Variants in PDE1A observed in about 807,000 individuals in gnomAD.
The protein encoded by PDE1A is dual specificity calcium/calmodulin-dependent 3',5'-cyclic nucleotide phosphodiesterase 1A.
A neutral mutation model predicts 61.7 loss-of-function variants in PDE1A; 35 were observed. That is an observed-to-expected ratio of 0.57 (90% CI 0.43 to 0.75). PDE1A has a LOEUF of 0.75. Ranked by LOEUF, PDE1A falls within the 30% of genes least tolerant of loss-of-function variation. The probability of loss-of-function intolerance (pLI) is 0.00; values close to 1 mark genes in which losing one functional copy is unlikely to be tolerated. For missense variants in PDE1A, 597 were observed against 630.6 expected, an observed-to-expected ratio of 0.95 and a Z score of 0.57; for synonymous variants, 232 against 213.2, an observed-to-expected ratio of 1.09 and a Z score of -0.77.
chr2:182,350,034 G>C (rs1416783112), intron 1 of PDE1A, among the ~76,000 whole-genome samples: 1 of 152,110 alleles, frequency 6.6e-6, no homozygotes, highest in East Asian at 1.9e-4. Context: ...GACACTGAAA[G>C]TTCCATTTAT....
At chr2:182,394,830 A>T (rs1385000010) in intron 1 of PDE1A, among the ~76,000 whole-genome samples, 1 of 152,214 alleles carries the variant, frequency 6.6e-6, no homozygotes, top group Admixed American at 6.5e-5. Flanking sequence ...GAAAAGCCAA[A>T]TGGAAGCCTT....
intron 2 of PDE1A, among the ~76,000 whole-genome samples, chr2:182,251,217 G>A (rs975531012): frequency 3.3e-5 from 5 of 152,192 alleles, no homozygotes; most frequent in Non-Finnish European, 7.3e-5. Flanking sequence ...CCTATTGGCT[G>A]TGTAGTTTTG....
chr2:182,380,122 T>C (rs1700641928), intron 1 of PDE1A, among the ~76,000 whole-genome samples: 1 of 146,952 alleles, frequency 6.8e-6, no homozygotes, highest in Non-Finnish European at 1.5e-5. Flanking sequence ...TTTTTTTTTT[T>C]TTTTTTGAGA....
At chr2:182,385,105 C>A (rs1700952519) in intron 1 of PDE1A, among the ~76,000 whole-genome samples, 2 of 152,068 alleles carry the variant, frequency 1.3e-5, no homozygotes, top group South Asian at 4.1e-4. Flanking sequence ...ACAACTTTCC[C>A]AGAAAAACAA....
At chr2:182,711,766 C>T in the PDE1A span, among the ~76,000 whole-genome samples, 4 of 152,126 alleles carry the variant, frequency 2.6e-5, no homozygotes, top group Non-Finnish European at 5.9e-5. Context: ...GAAAGAATTC[C>T]CACTGGTCCA....
the PDE1A span, among the ~76,000 whole-genome samples, chr2:182,625,037 T>C: frequency 1.3e-5 from 2 of 152,084 alleles, no homozygotes; most frequent in Admixed American, 6.6e-5. Flanking sequence ...TAGATTTAGA[T>C]GAGATCGTGA....
chr2:182,467,855 C>T (rs1686773077), intron 2 of PDE1A, among the ~76,000 whole-genome samples: 1 of 151,828 alleles, frequency 6.6e-6, no homozygotes, highest in African/African-American at 2.4e-5. Flanking sequence ...CACAATAAAG[C>T]TAACATAATA....
chr2:182,701,695 C>T, the PDE1A span, among the ~76,000 whole-genome samples: 1 of 152,136 alleles, frequency 6.6e-6, no homozygotes, highest in African/African-American at 2.4e-5. Context: ...ACTTTTAAAC[C>T]TGTGTCCAAA....
intron 1 of PDE1A, among the ~76,000 whole-genome samples, chr2:182,276,063 C>G (rs896959384): frequency 2.7e-4 from 41 of 152,052 alleles, no homozygotes; most frequent in African/African-American, 6.7e-4. Context: ...AATTAATGAC[C>G]AGAAAAATCA....
intron 1 of PDE1A, among the ~76,000 whole-genome samples, chr2:182,402,629 T>C (rs571555821): frequency 4.6e-5 from 7 of 152,320 alleles, no homozygotes; most frequent in African/African-American, 1.7e-4. Context: ...AAAGCCTTCA[T>C]GACTAAAACA....
intron 1 of PDE1A, among the ~76,000 whole-genome samples, chr2:182,409,870 T>A (rs890085465): frequency 2.0e-5 from 3 of 152,216 alleles, no homozygotes; most frequent in Non-Finnish European, 4.4e-5. Context: ...GACATTTATA[T>A]CACATAGTTT....
chr2:182,563,419 G>A, the PDE1A span, among the ~76,000 whole-genome samples: 1 of 152,182 alleles, frequency 6.6e-6, no homozygotes, highest in Non-Finnish European at 1.5e-5. Flanking sequence ...TGGTCTGAGA[G>A]ATAGTTTGTT....
chr2:182,658,347 T>A, the PDE1A span, among the ~76,000 whole-genome samples: 2 of 152,216 alleles, frequency 1.3e-5, 1 homozygote, highest in South Asian at 4.1e-4. Context: ...GTCCCAGCCA[T>A]CATATGGTAT....
At chr2:182,174,437 G>A in intron 13 of PDE1A, among the ~76,000 whole-genome samples, 1 of 152,050 alleles carries the variant, frequency 6.6e-6, no homozygotes, top group Non-Finnish European at 1.5e-5. Flanking sequence ...GGAAGACTTG[G>A]CTTGATTCAA....
chr2:182,440,714 T>C (rs1407727093), intron 2 of PDE1A, among the ~76,000 whole-genome samples: 2 of 152,088 alleles, frequency 1.3e-5, no homozygotes, highest in Non-Finnish European at 2.9e-5. Context: ...TATCCCAATA[T>C]TATGTGTTTA....
At chr2:182,670,510 C>T in the PDE1A span, among the ~76,000 whole-genome samples, 1 of 152,140 alleles carries the variant, frequency 6.6e-6, no homozygotes, top group African/African-American at 2.4e-5. Context: ...CAAAGTTGGG[C>T]TAGATTGTCC....
intron 2 of PDE1A, among the ~76,000 whole-genome samples, chr2:182,253,010 C>T (rs1234608991): frequency 6.6e-6 from 1 of 152,140 alleles, no homozygotes; most frequent in African/African-American, 2.4e-5. Context: ...TCAAGAAACA[C>T]CTATGTTGTT....
chr2:182,691,481 A>G, the PDE1A span, among the ~76,000 whole-genome samples: 2 of 152,242 alleles, frequency 1.3e-5, no homozygotes, highest in Admixed American at 1.3e-4. Context: ...AGCCATATGT[A>G]GAAAGCTGAA....
intron 2 of PDE1A, among the ~76,000 whole-genome samples, chr2:182,256,603 G>C (rs1574166492): frequency 6.6e-6 from 1 of 152,022 alleles, no homozygotes; most frequent in South Asian, 2.1e-4. Context: ...CAAAGACTTG[G>C]AACCAACCCA....
Sources: allele counts gnomAD v4.1 joint callset (sites outside exome capture counted in the v4.1 genomes callset), GRCh38; gene constraint gnomAD v4.1.1; transcripts MANE v1.5; gene names NCBI Gene and HGNC (gene_info 2026-07-23, HGNC 2026-07-21).